Variants in PRMT8 observed in about 807,000 individuals in gnomAD.
PRMT8 encodes the protein protein arginine N-methyltransferase 8.
PRMT8 carries 7 observed loss-of-function variants against 47.1 expected under a neutral mutation model. That is an observed-to-expected ratio of 0.15 (90% CI 0.08 to 0.28). The LOEUF (loss-of-function observed/expected upper bound fraction) is 0.28. PRMT8 is among the 10% of genes least tolerant of loss of function. The pLI, the probability that PRMT8 is intolerant of heterozygous loss-of-function variation, is 1.00. For synonymous variants in PRMT8, 188 were observed against 186.5 expected (o/e 1.01, Z -0.07); for missense variants, 237 against 505.4 (o/e 0.47, Z 5.09).
chr12:3,534,807 G>A (rs1434194308), intron 1 of PRMT8, among the ~76,000 whole-genome samples: 4 of 152,220 alleles, frequency 2.6e-5, no homozygotes, highest in Non-Finnish European at 5.9e-5. Flanking sequence ...GCCGAACTGA[G>A]CTAACCATGG....
chr12:3,471,917 C>T (rs887361), intron 1 of PRMT8, among the ~76,000 whole-genome samples: 4 of 151,870 alleles, frequency 2.6e-5, no homozygotes, highest in South Asian at 4.2e-4. Context: ...GGTAAGGTAG[C>T]GGGGTGAGGG....
At position 3,593,313 on chromosome 12, in the gene PRMT8, G is replaced by A; in HGVS notation, c.*131G>A. On this transcript the variant is annotated 3_prime_UTR_variant, in exon 10 of 10. Coordinates refer to ENST00000382622, the MANE Select transcript of PRMT8 (RefSeq NM_019854.5). This position sits in a 1 kb window ranked among gnomAD's most constrained non-coding sequence, Gnocchi z 4.8. Reference sequence around the variant, plus strand: ...AGTTTTCAACTCTGCCTTGAAGATTGGTGAACTCCCCAGGGCTCCCGTGGG... The same window carrying A: ...AGTTTTCAACTCTGCCTTGAAGATTAGTGAACTCCCCAGGGCTCCCGTGGG... The A allele has an allele frequency of 1.3e-6, 1 of 761,586 alleles. No homozygotes were observed. The highest frequency in any genetic ancestry group is 2.1e-6 in the Non-Finnish European group (1 of 471,724). The allele number at this position is 761,586 out of a possible 1,614,324, so 47.2% of individuals were successfully genotyped here. A position where few individuals can be genotyped will look rare whatever the true frequency, so the allele number is the denominator to read the frequency against.
intron 1 of PRMT8, among the ~76,000 whole-genome samples, chr12:3,437,737 G>C (rs1864760200): frequency 6.6e-6 from 1 of 151,694 alleles, no homozygotes; most frequent in Non-Finnish European, 1.5e-5. Flanking sequence ...ATCCCAGCTT[G>C]ACCACTGACT....
chr12:3,538,344 C>T lies in PRMT8; in HGVS notation c.76-2262C>T, dbSNP rs1866157843. On this transcript the variant is annotated intron_variant, in intron 1 of 9. Transcript: ENST00000382622. This position sits in a 1 kb window ranked among gnomAD's most constrained non-coding sequence, Gnocchi z 4.6. The stretch of plus-strand genomic sequence containing the variant: ...AACAGGGTCCTGGGAGGGCACAGTT[C>T]CCACACGTCTATTTCTTCCACAGGA... 1 of 259,048 alleles carries T rather than the reference C, an allele frequency of 3.9e-6. No homozygotes were observed. The highest frequency in any genetic ancestry group is 4.8e-5 in the South Asian group (1 of 20,848). 16.0% of individuals were successfully genotyped at this position (259,048 alleles called of 1,614,324 possible).
chr12:3,472,736 A>G (rs924066971), intron 1 of PRMT8, among the ~76,000 whole-genome samples: 2 of 152,070 alleles, frequency 1.3e-5, no homozygotes, highest in Non-Finnish European at 2.9e-5. Context: ...GAAGCCTGGG[A>G]CACTTAGCTG....
At chr12:3,381,519 G>A in intron 1 of PRMT8, 1 of 1,431,082 alleles carries the variant, frequency 7.0e-7, no homozygotes, top group Non-Finnish European at 9.5e-7. Context: ...TTGACCCCGT[G>A]TGGGCTGTTG....
chr12:3,549,433 A>C (rs1866378896), intron 2 of PRMT8, among the ~76,000 whole-genome samples: 2 of 152,152 alleles, frequency 1.3e-5, no homozygotes, highest in Admixed American at 1.3e-4. Context: ...CCACTGTAAC[A>C]AGTAATCTTG....
chr12:3,427,396 T>G (rs1326720326), intron 1 of PRMT8, among the ~76,000 whole-genome samples: 2 of 152,162 alleles, frequency 1.3e-5, no homozygotes, highest in Non-Finnish European at 1.5e-5. Context: ...ACAGAAAAAC[T>G]GGATGATACC....
chr12:3,548,038 G>T (rs1179086321), intron 2 of PRMT8, among the ~76,000 whole-genome samples: 1 of 152,184 alleles, frequency 6.6e-6, no homozygotes, highest in Admixed American at 6.5e-5. Flanking sequence ...AGTCAGTGTT[G>T]ACTTTGTTTA....
At position 3,566,619 on chromosome 12, in the gene PRMT8, A is replaced by G. The variant is rs1026106154; in HGVS notation, c.482-2087A>G. On this transcript the variant is annotated intron_variant, in intron 4 of 9. Transcript: ENST00000382622. This position sits in a 1 kb window ranked among gnomAD's most constrained non-coding sequence, Gnocchi z 4.7. ...TGCTAATGGACACTCCATCACCTGC[A>G]TTATTCACTGTGAAGAAACTAAATA... Among the ~76,000 whole-genome samples the G allele has an allele frequency of 6.6e-6, 1 of 152,210 alleles. No homozygotes were observed. The highest frequency in any genetic ancestry group is 2.4e-5 in the African/African-American group (1 of 41,456).
chr12:3,538,848 C>A lies in PRMT8; in HGVS notation c.76-1758C>A. 3 of 457,918 alleles carry A rather than the reference C, an allele frequency of 6.6e-6. No individual in the cohort carries two copies. Among genetic ancestry groups the A allele is most frequent in the East Asian group, 5.9e-5 (1 of 17,024 alleles). 28.4% of individuals were successfully genotyped at this position (457,918 alleles called of 1,614,324 possible). ...GCAGCCCCACTCGCCTTTGCCAGCCCGCCCGGGATCTCACCGACGTGAAAT... is the reference window on the plus strand; with the variant it reads ...GCAGCCCCACTCGCCTTTGCCAGCCAGCCCGGGATCTCACCGACGTGAAAT... On this transcript the variant is annotated intron_variant, in intron 1 of 9. Coordinates refer to ENST00000382622, the MANE Select transcript of PRMT8 (RefSeq NM_019854.5). This position sits in a 1 kb window ranked among gnomAD's most constrained non-coding sequence, Gnocchi z 4.6.
At chr12:3,431,876 C>A (rs1353268528) in intron 1 of PRMT8, among the ~76,000 whole-genome samples, 3 of 152,154 alleles carry the variant, frequency 2.0e-5, no homozygotes, top group East Asian at 1.9e-4. Flanking sequence ...GAGGCTTGAG[C>A]ATATTTACCT....
chr12:3,529,297 T>C (rs977340720), intron 1 of PRMT8, among the ~76,000 whole-genome samples: 3 of 152,212 alleles, frequency 2.0e-5, no homozygotes, highest in Non-Finnish European at 4.4e-5. Flanking sequence ...CCTCATTTAT[T>C]TGTCATCTCT....
At chr12:3,387,659 C>T (rs1415845212) in intron 1 of PRMT8, among the ~76,000 whole-genome samples, 2 of 152,218 alleles carry the variant, frequency 1.3e-5, no homozygotes, top group Admixed American at 1.3e-4. Flanking sequence ...AAGAACTTTA[C>T]ATGCATTATC....
intron 1 of PRMT8, among the ~76,000 whole-genome samples, chr12:3,540,402 C>T (rs560632277): frequency 2.6e-5 from 4 of 151,948 alleles, no homozygotes; most frequent in Non-Finnish European, 5.9e-5. Context: ...TGTGGCTCCT[C>T]GGTGGACTGC....
chr12:3,510,580 C>A (rs7962552), intron 1 of PRMT8, among the ~76,000 whole-genome samples: 49,628 of 151,930 alleles, frequency 0.33, 8,380 homozygotes, highest in Middle Eastern at 0.4. Context: ...AAAAATAGAT[C>A]AAAATAAGTT....
chr12:3,400,949 C>T (rs1864308567), intron 1 of PRMT8, among the ~76,000 whole-genome samples: 1 of 151,854 alleles, frequency 6.6e-6, no homozygotes, highest in African/African-American at 2.4e-5. Context: ...GAGTTTGAGA[C>T]CAGCCTCAAC....
chr12:3,476,636 G>GGAT (rs1370280566), intron 1 of PRMT8, among the ~76,000 whole-genome samples: 2 of 152,134 alleles, frequency 1.3e-5, no homozygotes, highest in Non-Finnish European at 2.9e-5. Flanking sequence ...AAGGTGGACT[G>GGAT]GATGAGTCAT....
intron 1 of PRMT8, among the ~76,000 whole-genome samples, chr12:3,432,097 C>T (rs1864686927): frequency 6.6e-6 from 1 of 152,162 alleles, no homozygotes; most frequent in Non-Finnish European, 1.5e-5. Flanking sequence ...ACGTGGGATC[C>T]CTTCTCAGAG....
Sources: gnomAD v4.1 joint callset for allele counts (sites outside exome capture counted in the v4.1 genomes callset) on GRCh38, gnomAD v4.1.1 for gene constraint, Gnocchi (gnomAD v3.1) non-coding constraint, MANE v1.5 for transcripts, NCBI Gene and HGNC (gene_info 2026-07-23, HGNC 2026-07-21) for gene names.